TFDP2: variants seen among roughly 807,000 people sequenced by gnomAD.
TFDP2 encodes the protein transcription factor Dp-2 (E2F dimerization partner 2).
Under a neutral mutation model 59.3 loss-of-function variants are expected in TFDP2, and 17 were observed. That is an observed-to-expected ratio of 0.29 (90% CI 0.20 to 0.43). TFDP2 has a LOEUF of 0.43. TFDP2 is among the 20% of genes least tolerant of loss of function. The probability of loss-of-function intolerance (pLI) is 1.00; values close to 1 mark genes in which losing one functional copy is unlikely to be tolerated. For missense variants in TFDP2, 391 were observed against 528.8 expected (o/e 0.74, Z 2.56); for synonymous variants, 180 against 194.7 (o/e 0.92, Z 0.63).
At chr3:142,055,036 A>G (rs1394291470) in intron 3 of TFDP2, among the ~76,000 whole-genome samples, 1 of 152,206 alleles carries the variant, frequency 6.6e-6, no homozygotes, top group Non-Finnish European at 1.5e-5. Flanking sequence ...GGATATTGGA[A>G]AAGTCATCAC....
At chr3:142,090,992 T>C (rs1376206735) in intron 3 of TFDP2, among the ~76,000 whole-genome samples, 5 of 152,216 alleles carry the variant, frequency 3.3e-5, no homozygotes, top group Admixed American at 3.3e-4. Flanking sequence ...CCAAGCTTGT[T>C]GTTCCCACTT....
intron 4 of TFDP2, 110 bp from the exon 5 acceptor site, chr3:141,995,251 A>C (rs1446681827): frequency 1.2e-6 from 1 of 825,028 alleles, no homozygotes; most frequent in Non-Finnish European, 1.7e-6. Flanking sequence ...TGCTGCCTAA[A>C]AGGCACTTAA....
At chr3:142,119,596 G>C (rs1363996535) in intron 1 of TFDP2, among the ~76,000 whole-genome samples, 1 of 152,154 alleles carries the variant, frequency 6.6e-6, no homozygotes, top group Non-Finnish European at 1.5e-5. Context: ...TATTAAAGTA[G>C]CTGGGTGTGG....
At chr3:142,093,850 C>G (rs79381733) in intron 2 of TFDP2, 8,020 of 364,434 alleles carry the variant, frequency 0.022, 577 homozygotes, top group African/African-American at 0.15. Flanking sequence ...GAGGGTGATA[C>G]CAGTACTTAG....
intron 8 of TFDP2, among the ~76,000 whole-genome samples, chr3:141,973,124 T>TATATATATATATATA (rs1553761667): frequency 2.2e-4 from 12 of 55,368 alleles, no homozygotes; most frequent in African/African-American, 6.4e-4. Context: ...TATATATATA[T>TATATATATATATATA]TTTTTTTTTT....
At chr3:142,028,659 C>T (rs1287289682) in intron 3 of TFDP2, 4 of 985,246 alleles carry the variant, frequency 4.1e-6, no homozygotes, top group African/African-American at 1.7e-5. Context: ...AAACTTGAGA[C>T]TGTGTCAGAC....
intron 4 of TFDP2, among the ~76,000 whole-genome samples, chr3:142,001,140 G>T (rs1394073157): frequency 6.6e-6 from 1 of 152,178 alleles, no homozygotes; most frequent in Non-Finnish European, 1.5e-5. Flanking sequence ...GCAATTCTCT[G>T]CCAGGATCTG....
At chr3:142,062,385 A>G (rs2059946525) in intron 3 of TFDP2, among the ~76,000 whole-genome samples, 1 of 113,110 alleles carries the variant, frequency 8.8e-6, no homozygotes, top group East Asian at 2.4e-4. Flanking sequence ...ACATATATAT[A>G]TATTATATAA....
chr3:141,968,337 A>AACATATATCTC (rs1938517240), intron 9 of TFDP2, among the ~76,000 whole-genome samples: 2 of 119,640 alleles, frequency 1.7e-5, no homozygotes, highest in African/African-American at 5.8e-5. Context: ...TAATATATAT[A>AACATATATCTC]ATATATAACT....
chr3:142,104,543 C>T (rs1273513768), intron 1 of TFDP2, among the ~76,000 whole-genome samples: 1 of 151,840 alleles, frequency 6.6e-6, no homozygotes, highest in African/African-American at 2.4e-5. Context: ...TCTCTGACTA[C>T]AATGCAATTA....
intron 1 of TFDP2, among the ~76,000 whole-genome samples, chr3:142,118,490 G>A (rs770054506): frequency 7.2e-5 from 11 of 152,036 alleles, no homozygotes; most frequent in Non-Finnish European, 1.6e-4. Flanking sequence ...TGAATCGGAA[G>A]TACAAAAACT....
At chr3:142,124,758 TA>T (rs1463488812) in intron 1 of TFDP2, among the ~76,000 whole-genome samples, 2 of 152,110 alleles carry the variant, frequency 1.3e-5, no homozygotes, top group Non-Finnish European at 2.9e-5. Flanking sequence ...CATCACTATG[TA>T]AATCATAAGA....
At chr3:141,979,950 C>T (rs1333562416) in intron 6 of TFDP2, among the ~76,000 whole-genome samples, 1 of 151,154 alleles carries the variant, frequency 6.6e-6, no homozygotes, top group Non-Finnish European at 1.5e-5. Context: ...ACTCTGTTGC[C>T]CGGGCTAGAG....
At chr3:141,970,836 A>C (rs537351217) in intron 8 of TFDP2, among the ~76,000 whole-genome samples, 3 of 151,126 alleles carry the variant, frequency 2.0e-5, no homozygotes, top group Non-Finnish European at 3.0e-5. Flanking sequence ...CCGAGGGGGG[A>C]GAATCACTTG....
intron 10 of TFDP2, 51 bp downstream of exon 10, chr3:141,963,761 A>C: frequency 6.5e-7 from 1 of 1,547,620 alleles, no homozygotes; most frequent in Non-Finnish European, 8.7e-7. Context: ...AAATGATATG[A>C]AAATGTTAAC....
chr3:141,960,071 A>C (rs1335497264), intron 10 of TFDP2, among the ~76,000 whole-genome samples: 1 of 152,170 alleles, frequency 6.6e-6, no homozygotes, highest in East Asian at 1.9e-4. Flanking sequence ...GAAACCCACA[A>C]ACTTTAGCCC....
chr3:142,145,120 G>A (rs2063120723), intron 1 of TFDP2, among the ~76,000 whole-genome samples: 1 of 152,134 alleles, frequency 6.6e-6, no homozygotes, highest in African/African-American at 2.4e-5. Context: ...TGTGCAAAAT[G>A]GGCATTTAAT....
intron 1 of TFDP2, among the ~76,000 whole-genome samples, chr3:142,120,569 A>C (rs575455379): frequency 6.6e-6 from 1 of 152,324 alleles, no homozygotes; most frequent in African/African-American, 2.4e-5. Context: ...TATTAGTAAT[A>C]GAATCAGGTG....
intron 1 of TFDP2, among the ~76,000 whole-genome samples, chr3:142,129,680 A>G (rs1378074003): frequency 6.6e-6 from 1 of 151,002 alleles, no homozygotes; most frequent in Non-Finnish European, 1.5e-5. Flanking sequence ...CCTCCTGAGT[A>G]GTTGGGACTA....
Sources: gnomAD v4.1 joint callset for allele counts (sites outside exome capture counted in the v4.1 genomes callset) on GRCh38, gnomAD v4.1.1 for gene constraint, MANE v1.5 for transcripts, NCBI Gene and HGNC (gene_info 2026-07-23, HGNC 2026-07-21) for gene names.